Variants in NUP214 observed in about 807,000 individuals in gnomAD.
NUP214 encodes nucleoporin 214.
Under a neutral mutation model 196.2 loss-of-function variants are expected in NUP214, and 79 were observed. The ratio of observed to expected loss-of-function variants is 0.40; its 90% CI spans 0.34 to 0.49. NUP214 has a LOEUF of 0.49. Among genes scored for constraint, NUP214 ranks in the 20% least tolerant of loss-of-function variants. The pLI, the probability that NUP214 is intolerant of heterozygous loss-of-function variation, is 0.58. For synonymous variants in NUP214, 1,020 were observed against 990.5 expected (o/e 1.03, Z -0.56); for missense variants, 2,468 against 2,539.0 (o/e 0.97, Z 0.60).
chr9:131,165,784 C>T (rs1231366730), intron 21 of NUP214, among the ~76,000 whole-genome samples: 1 of 152,188 alleles, frequency 6.6e-6, no homozygotes. Flanking sequence ...ATTATTCAGT[C>T]TTTAAAAAGG....
chr9:131,169,034 GTTTT>G (rs58054099), intron 21 of NUP214, among the ~76,000 whole-genome samples: 1 of 124,126 alleles, frequency 8.1e-6, no homozygotes. Flanking sequence ...GTTTTTTTTT[GTTTT>G]TTTTTTTTTT....
rs1554737938 is a variant in NUP214 at position 131,196,023 on chromosome 9, T to TGTCC, written c.3721+730_3721+733dup. Reference sequence around the variant, plus strand: ...TGGGCAACAAGAGTGAAACTCTGTGTGTCCCCCCCCCCCCCCGCGCCAAAA... The same window carrying TGTCC: ...TGGGCAACAAGAGTGAAACTCTGTGTGTCCGTCCCCCCCCCCCCCCGCGCCAAAA... On this transcript the variant is annotated intron_variant, in intron 28 of 35. Coordinates refer to ENST00000359428, the MANE Select transcript of NUP214 (RefSeq NM_005085.4). Among the ~76,000 whole-genome samples, 20 of 10,106 alleles carry TGTCC rather than the reference T, an allele frequency of 2.0e-3. 5 individuals are homozygous for TGTCC. Among genetic ancestry groups the TGTCC allele is most frequent in the East Asian group, 0.056 (1 of 18 alleles). 6.6% of individuals were successfully genotyped at this position (10,106 alleles called of 152,430 possible). A position where few individuals can be genotyped will look rare whatever the true frequency, so the allele number is the denominator to read the frequency against.
chr9:131,127,666 C>T lies in NUP214; in HGVS notation c.188C>T (p.Pro63Leu). 1 of 1,613,980 alleles carries T rather than the reference C, an allele frequency of 6.2e-7. No individual in the cohort carries two copies. Among genetic ancestry groups the T allele is most frequent in the Non-Finnish European group, 8.5e-7 (1 of 1,179,970 alleles). ...GGAGCCAGTGGCTTGCAGATTTTTC[C>T]TACTAAAAATCTTCTTATTCAAAAT... ...AGGASGLQIF[P>L]TKNLLIQNKP... is the part of the protein sequence containing the mutation. Residue 63 changes from proline to leucine, a missense_variant, in exon 2 of 36, where the codon CCT (proline) becomes CTT (leucine). Pro to Leu is a moderately conservative substitution (Grantham distance 98, BLOSUM62 -3). Around this residue, in one of 5 missense-constraint regions of NUP214, gnomAD observed 392 missense variants for 417.9 expected, o/e 0.94. Transcript: ENST00000359428.
At chr9:131,138,181 C>CTCCTTCCTTT (rs1328272715) in intron 9 of NUP214, among the ~76,000 whole-genome samples, 1 of 151,020 alleles carries the variant, frequency 6.6e-6, no homozygotes, top group Non-Finnish European at 1.5e-5. Context: ...CTCTTTCCTT[C>CTCCTTCCTTT]TCCTTCCTTT....
chr9:131,135,545 C>T (rs534346812), intron 8 of NUP214, among the ~76,000 whole-genome samples: 9 of 152,246 alleles, frequency 5.9e-5, no homozygotes, highest in African/African-American at 1.2e-4. Flanking sequence ...TGATGACTTA[C>T]GAAAATATTG....
At position 131,163,923 on chromosome 9, in the gene NUP214, A is replaced by G. The variant is rs1832713929; in HGVS notation, c.2777A>G (p.Glu926Gly). ...LCNALLKTTIESHTKSLPKVP... is the reference protein window; with the variant it reads ...LCNALLKTTIGSHTKSLPKVP... ...AATGCTTTGTTGAAAACCACCATAG[A>G]ATCTCACACCAAATCCTTGCCCAAA... Residue 926 changes from glutamate (E) to glycine (G), a missense_variant, in exon 20 of 36, where the codon GAA (glutamate) becomes GGA (glycine). Physicochemically the swap from Glu to Gly is moderately conservative, Grantham distance 98 (BLOSUM62 -2). Around this residue, in one of 5 missense-constraint regions of NUP214, gnomAD observed 1,801 missense variants for 1,779.4 expected, o/e 1.01. Transcript: ENST00000359428. 6.2e-7 allele frequency: 1 copy of G among 1,614,034 alleles called. No homozygotes were observed.
intron 27 of NUP214, 105 bp downstream of exon 27, chr9:131,192,397 G>T: frequency 1.5e-6 from 1 of 665,336 alleles, no homozygotes; most frequent in Non-Finnish European, 2.5e-6. Context: ...TATGAACCCA[G>T]AGTTCTTACC....
rs547408124 is a variant in NUP214, at chr9:131,181,501, A to T, written c.3419+3091A>T. On this transcript the variant is annotated intron_variant, in intron 24 of 35. Coordinates refer to ENST00000359428, the MANE Select transcript of NUP214 (RefSeq NM_005085.4). ...TCCTCACCAACACTCATTATTGACTATCTTTTTGGTTATAGTCATCCTAGT... is the reference window on the plus strand; with the variant it reads ...TCCTCACCAACACTCATTATTGACTTTCTTTTTGGTTATAGTCATCCTAGT... Among the ~76,000 whole-genome samples, 18 of 152,234 alleles carry T rather than the reference A, an allele frequency of 1.2e-4. 1 individual carries two copies. The South Asian group carries it at 3.7e-3, about 32-fold the overall frequency.
rs1834958660 is a variant in NUP214, at chr9:131,234,402, A to T, written c.*915A>T. 4.3e-6 allele frequency: 1 copy of T among 232,610 alleles called. No homozygotes were observed. The highest frequency in any genetic ancestry group is 1.3e-3 in the Middle Eastern group (1 of 780). 14.4% of individuals were successfully genotyped at this position (232,610 alleles called of 1,614,324 possible). On this transcript the variant is annotated 3_prime_UTR_variant, in exon 36 of 36. Coordinates refer to ENST00000359428, the MANE Select transcript of NUP214 (RefSeq NM_005085.4). ...TTGCTAGGACGGCCCAGAGCTCATC[A>T]CTGCAGTTTTATTAGAGTGCTTCTT...
chr9:131,207,551 C>T (rs1029086980), intron 30 of NUP214, among the ~76,000 whole-genome samples: 5 of 152,324 alleles, frequency 3.3e-5, no homozygotes, highest in Admixed American at 2.6e-4. Context: ...AGCTGTATAA[C>T]CTTTTATGAC....
chr9:131,145,935 GATAA>G (rs1400834687), intron 12 of NUP214, among the ~76,000 whole-genome samples, 190 bp from the exon 13 acceptor site: 1 of 152,190 alleles, frequency 6.6e-6, no homozygotes, highest in African/African-American at 2.4e-5. Context: ...CAGACGAAAA[GATAA>G]ATGTTTCCTT....
At chr9:131,204,588 G>C (rs1834029143) in intron 30 of NUP214, among the ~76,000 whole-genome samples, 1 of 152,176 alleles carries the variant, frequency 6.6e-6, no homozygotes, top group South Asian at 2.1e-4. Context: ...TGGCCCCTGC[G>C]CTGTAGTTTG....
intron 4 of NUP214, among the ~76,000 whole-genome samples, chr9:131,129,850 C>T (rs936798474): frequency 6.6e-6 from 1 of 151,986 alleles, no homozygotes; most frequent in African/African-American, 2.4e-5. Flanking sequence ...GTGATCTGCC[C>T]TCCTCCACCC....
At chr9:131,159,083 T>C (rs1245920445) in intron 17 of NUP214, 3 of 245,966 alleles carry the variant, frequency 1.2e-5, no homozygotes, top group African/African-American at 6.7e-5. Context: ...ACTTTTTTAT[T>C]TGTATACATT....
Position 131,134,891 on chromosome 9 carries a change from A to T in NUP214, c.832-7A>T, listed in dbSNP as rs377415737. On this transcript the variant is annotated splice_region_variant and splice_polypyrimidine_tract_variant and intron_variant, in intron 7 of 35. Coordinates refer to ENST00000359428, the MANE Select transcript of NUP214 (RefSeq NM_005085.4). ...GAGAATTTTTTTTCTTGCTTTGTTC[A>T]TTGTAGAAAAAAGAAGAAAAGCACC... 1 of 1,601,818 alleles carries T rather than the reference A, an allele frequency of 6.2e-7. No homozygotes were observed.
intron 7 of NUP214, 66 bp from the exon 8 acceptor site, chr9:131,134,832 T>G (rs538968143): frequency 1.8e-5 from 17 of 936,052 alleles, no homozygotes; most frequent in East Asian, 2.5e-5. Context: ...TATTTGAGAT[T>G]CTTTTGCTGT....
rs1194905366 is a variant in NUP214, at chr9:131,213,762, G to GTT, written c.5593-1449_5593-1448dup. Among the ~76,000 whole-genome samples, 5 of 129,340 alleles carry GTT rather than the reference G, an allele frequency of 3.9e-5. No homozygotes were observed. The Admixed American group carries it at 4.3e-4, about 11-fold the overall frequency. 84.9% of individuals were successfully genotyped at this position (129,340 alleles called of 152,430 possible). ...GTAGTGAATTGGTACTGTTGTTGTTGTTGTTGTTGTTGTTGTTGTTGTTGT... is the reference window on the plus strand; with the variant it reads ...GTAGTGAATTGGTACTGTTGTTGTTGTTTTGTTGTTGTTGTTGTTGTTGTTGT... On this transcript the variant is annotated intron_variant, in intron 30 of 35. Transcript: ENST00000359428.
At position 131,197,275 on chromosome 9, in the gene NUP214, A is replaced by G. The variant is rs1833813460; in HGVS notation, c.3781A>G (p.Ser1261Gly). Residue 1261 changes from serine (S) to glycine (G), a missense_variant, in exon 29 of 36, where the codon AGC becomes GGC. This residue lies in a region of NUP214 where 1,801 missense variants were observed against 1,779.4 expected (regional missense o/e 1.01). Transcript: ENST00000359428. The part of the protein sequence containing the change: ...QPDAFSSGGG[S>G]KPSYEAIPES... ...GGACGCATTCTCATCTGGTGGGGGAAGCAAACCTTCTTATGAGGCCATTCC... is the reference window on the plus strand; with the variant it reads ...GGACGCATTCTCATCTGGTGGGGGAGGCAAACCTTCTTATGAGGCCATTCC... The G allele has an allele frequency of 6.2e-7, 1 of 1,614,204 alleles. No homozygotes were observed. Among genetic ancestry groups the G allele is most frequent in the Non-Finnish European group, 8.5e-7 (1 of 1,180,026 alleles).
chr9:131,172,475 T>C (rs1490973389), intron 21 of NUP214, among the ~76,000 whole-genome samples: 2 of 152,178 alleles, frequency 1.3e-5, no homozygotes, highest in Non-Finnish European at 2.9e-5. Flanking sequence ...GATGAGTAGG[T>C]TGTGAAAATT....
Sources: gnomAD v4.1 joint callset for allele counts (sites outside exome capture counted in the v4.1 genomes callset) on GRCh38, gnomAD v4.1.1 for gene constraint, gnomAD v4.1.1 regional missense constraint, MANE v1.5 for transcripts, NCBI Gene and HGNC (gene_info 2026-07-23, HGNC 2026-07-21) for gene names.